SHANK2: variants seen among roughly 807,000 people sequenced by gnomAD.
SHANK2 encodes the protein SH3 and multiple ankyrin repeat domains protein 2.
A neutral mutation model predicts 133.7 loss-of-function variants in SHANK2; 43 were observed. The ratio of observed to expected loss-of-function variants is 0.32; its 90% CI spans 0.25 to 0.41. SHANK2 has a LOEUF of 0.41. Among genes scored for constraint, SHANK2 ranks in the 10% least tolerant of loss-of-function variants. The probability of loss-of-function intolerance (pLI) is 1.00; values close to 1 mark genes in which losing one functional copy is unlikely to be tolerated. For synonymous variants in SHANK2, 1,017 were observed against 952.8 expected (o/e 1.07, Z -1.24); for missense variants, 1,994 against 2,235.8 (o/e 0.89, Z 2.18).
At chr11:70,801,087 G>C (rs1222946157) in intron 13 of SHANK2, among the ~76,000 whole-genome samples, 1 of 152,168 alleles carries the variant, frequency 6.6e-6, no homozygotes, top group Admixed American at 6.5e-5. Flanking sequence ...GTTTCTATGC[G>C]TGAATCGGAG....
In SHANK2 at chr11:70,500,391, CAGAA is replaced by C. The variant is rs1565541180; in HGVS notation, c.2308+175_2308+178del. Among the ~76,000 whole-genome samples the C allele has an allele frequency of 1.3e-5, 2 of 151,932 alleles. No homozygotes were observed. The highest frequency in any genetic ancestry group is 2.9e-5 in the Non-Finnish European group (2 of 67,996). Reference sequence around the variant, plus strand: ...TGGGGAATCACAGACAGAAGCCAAGCAGAAAGAACAGACAGATGAATGTGCTCCA... The same window carrying C: ...TGGGGAATCACAGACAGAAGCCAAGCAGAACAGACAGATGAATGTGCTCCA... On this transcript the variant is annotated intron_variant, in intron 21 of 25. Coordinates refer to ENST00000601538, the MANE Select transcript of SHANK2 (RefSeq NM_012309.5). This position sits in a 1 kb window ranked among gnomAD's most constrained non-coding sequence, Gnocchi z 4.5.
chr11:71,181,393 G>C (rs1199187604), intron 2 of SHANK2, among the ~76,000 whole-genome samples: 2 of 152,150 alleles, frequency 1.3e-5, no homozygotes, highest in Non-Finnish European at 2.9e-5. Context: ...CAGCTGCTTG[G>C]GAGGGAGGGC....
At chr11:71,056,912 A>G (rs1408298151) in intron 9 of SHANK2, among the ~76,000 whole-genome samples, 2 of 152,212 alleles carry the variant, frequency 1.3e-5, no homozygotes, top group African/African-American at 4.8e-5. Context: ...CATGTTCTAA[A>G]ATAGGGGAGA....
intron 2 of SHANK2, among the ~76,000 whole-genome samples, chr11:71,205,882 G>A (rs1954117309): frequency 6.6e-6 from 1 of 152,084 alleles, no homozygotes; most frequent in Admixed American, 6.5e-5. Flanking sequence ...TGAGATCTGG[G>A]AGAAAGGAAA....
chr11:70,953,667 C>T (rs1950876651), intron 10 of SHANK2, among the ~76,000 whole-genome samples: 1 of 152,140 alleles, frequency 6.6e-6, no homozygotes, highest in Admixed American at 6.5e-5. Flanking sequence ...TGCTAGCAGC[C>T]AACTGGATGG....
At chr11:70,953,680 C>T (rs139149214) in intron 10 of SHANK2, among the ~76,000 whole-genome samples, 133 of 152,262 alleles carry the variant, frequency 8.7e-4, no homozygotes, top group African/African-American at 3.1e-3. Context: ...CTGGATGGTG[C>T]CCACCCATAT....
intron 9 of SHANK2, among the ~76,000 whole-genome samples, chr11:71,058,469 C>T (rs922838950): frequency 1.2e-4 from 19 of 152,302 alleles, no homozygotes; most frequent in South Asian, 6.2e-4. Flanking sequence ...GTAGCCGTAC[C>T]GACTATTAGA....
At chr11:70,776,423 C>CAA (rs1312947741) in intron 14 of SHANK2, among the ~76,000 whole-genome samples, 1 of 152,180 alleles carries the variant, frequency 6.6e-6, no homozygotes, top group Admixed American at 6.5e-5. Flanking sequence ...GATACCTTAA[C>CAA]ACTCTCTAGG....
chr11:71,059,394 T>C (rs1000657681), intron 9 of SHANK2, among the ~76,000 whole-genome samples: 125 of 152,016 alleles, frequency 8.2e-4, no homozygotes, highest in African/African-American at 2.8e-3. Flanking sequence ...TTGACGGTGG[T>C]GATGGTTGAT....
intron 2 of SHANK2, among the ~76,000 whole-genome samples, chr11:71,187,200 T>TA (rs1953692026): frequency 1.3e-5 from 2 of 152,208 alleles, no homozygotes; most frequent in Admixed American, 6.5e-5. Flanking sequence ...ATCTGCCTGT[T>TA]AATCAGCATG....
intron 10 of SHANK2, among the ~76,000 whole-genome samples, chr11:70,924,949 C>A (rs1555081287): frequency 6.6e-6 from 1 of 152,156 alleles, no homozygotes; most frequent in Non-Finnish European, 1.5e-5. Context: ...TCACCAGGAC[C>A]CTCCCTTCCC....
chr11:70,493,081 G>A (rs1555156346), intron 21 of SHANK2, among the ~76,000 whole-genome samples: 1 of 151,588 alleles, frequency 6.6e-6, no homozygotes, highest in African/African-American at 2.4e-5. Context: ...CAGCCATTTG[G>A]GCCATTTCTT....
intron 9 of SHANK2, among the ~76,000 whole-genome samples, chr11:71,061,329 C>A (rs1460879463): frequency 6.6e-6 from 1 of 152,256 alleles, no homozygotes; most frequent in Non-Finnish European, 1.5e-5. Context: ...ATAAAGCAGT[C>A]CTGCACCTCC....
chr11:70,627,587 G>A (rs969388936), intron 17 of SHANK2, among the ~76,000 whole-genome samples: 1 of 152,220 alleles, frequency 6.6e-6, no homozygotes, highest in Non-Finnish European at 1.5e-5. Flanking sequence ...AAGTATTCTG[G>A]ATTGCATATA....
chr11:71,124,103 CATGATGGTG>C (rs1243217846), intron 3 of SHANK2, among the ~76,000 whole-genome samples: 6 of 99,390 alleles, frequency 6.0e-5, no homozygotes, highest in Admixed American at 1.0e-4. Context: ...TGATAGTGAT[CATGATGGTG>C]ATGATGGTGA....
At chr11:70,537,728 G>A (rs1342329495) in intron 17 of SHANK2, among the ~76,000 whole-genome samples, 1 of 152,246 alleles carries the variant, frequency 6.6e-6, no homozygotes, top group African/African-American at 2.4e-5. Flanking sequence ...TGAAGAAATA[G>A]GCGGCTGGGC....
intron 2 of SHANK2, among the ~76,000 whole-genome samples, chr11:71,173,064 A>G (rs4944245): frequency 0.7 from 106,800 of 152,182 alleles, 38,673 homozygotes; most frequent in East Asian, 0.95. Context: ...TTAGCAGGGA[A>G]AGGCAGAACG....
At chr11:70,627,471 T>C (rs933662590) in intron 17 of SHANK2, among the ~76,000 whole-genome samples, 3 of 152,174 alleles carry the variant, frequency 2.0e-5, no homozygotes, top group Non-Finnish European at 4.4e-5. Context: ...TTTTAAGCCA[T>C]GGCAACCTGG....
chr11:70,613,320 C>T (rs2060688854), intron 17 of SHANK2, among the ~76,000 whole-genome samples: 2 of 152,074 alleles, frequency 1.3e-5, no homozygotes. Flanking sequence ...TCTCCTGCCT[C>T]CGCCTCCCAA....
Sources: gnomAD v4.1 joint callset for allele counts (sites outside exome capture counted in the v4.1 genomes callset) on GRCh38, gnomAD v4.1.1 for gene constraint, Gnocchi (gnomAD v3.1) non-coding constraint, MANE v1.5 for transcripts, NCBI Gene and HGNC (gene_info 2026-07-23, HGNC 2026-07-21) for gene names.